The following NUP188 variants were observed in gnomAD, a reference collection of about 807,000 sequenced individuals.
NUP188 encodes the protein nucleoporin 188, also known as nucleoporin NUP188.
Under a neutral mutation model 223.0 loss-of-function variants are expected in NUP188, and 97 were observed. The ratio of observed to expected loss-of-function variants is 0.43; its 90% confidence interval spans 0.37 to 0.51. The LOEUF is 0.51. NUP188 is among the 20% of genes least tolerant of loss of function. The pLI is 0.00. For missense variants in NUP188, 1,947 were observed against 2,175.6 expected (o/e 0.89, Z 2.09); for synonymous variants, 869 against 828.0 (o/e 1.05, Z -0.85).
intron 12 of NUP188, among the ~76,000 whole-genome samples, chr9:128,977,674 C>CTAT (rs1842194907): frequency 6.6e-6 from 1 of 151,996 alleles, no homozygotes; most frequent in Non-Finnish European, 1.5e-5. Flanking sequence ...TGGTGGGCAC[C>CTAT]TATAATCCCA....
At chr9:128,996,595 G>A (rs951782232) in intron 30 of NUP188, among the ~76,000 whole-genome samples, 3 of 152,106 alleles carry the variant, frequency 2.0e-5, no homozygotes, top group Admixed American at 2.0e-4. Flanking sequence ...CAGGTTTGTG[G>A]CTACTCTTGC....
intron 41 of NUP188, 49 bp downstream of exon 41, chr9:129,005,825 T>G (rs906442023): frequency 6.5e-7 from 1 of 1,546,542 alleles, no homozygotes; most frequent in Non-Finnish European, 8.7e-7. Context: ...CTCCTCCCCC[T>G]GCCTGCCACT....
intron 12 of NUP188, among the ~76,000 whole-genome samples, chr9:128,977,287 T>A (rs1322693236): frequency 6.6e-6 from 1 of 151,728 alleles, no homozygotes; most frequent in Non-Finnish European, 1.5e-5. Context: ...ACCCAGCTAA[T>A]TTTTTTGTAT....
At chr9:128,959,162 C>CTT in intron 8 of NUP188, 28 bp downstream of exon 8, 82 of 1,232,698 alleles carry the variant, frequency 6.7e-5, no homozygotes, top group South Asian at 2.7e-4. Flanking sequence ...TCTCCTGTAA[C>CTT]TTTTTTTTTT....
At chr9:128,987,979 G>T in intron 23 of NUP188, 68 bp from the exon 24 acceptor site, 1 of 1,524,576 alleles carries the variant, frequency 6.6e-7, no homozygotes, top group South Asian at 1.2e-5. Context: ...TCTAATTCAT[G>T]AGAGCACATA....
At chr9:128,998,271 G>GT in intron 31 of NUP188, 43 bp downstream of exon 31, 2 of 1,519,316 alleles carry the variant, frequency 1.3e-6, no homozygotes, top group South Asian at 2.2e-5. Flanking sequence ...CAGGGAGGTT[G>GT]TCTTTGAAGT....
At chr9:129,004,149 C>T (rs147742460) in intron 38 of NUP188, among the ~76,000 whole-genome samples, 3 of 151,174 alleles carry the variant, frequency 2.0e-5, no homozygotes, top group African/African-American at 2.4e-5. Flanking sequence ...TGGTGGCACA[C>T]GCCTGTAGTC....
In NUP188 at chr9:129,006,068, C is replaced by G; in HGVS notation, c.4888C>G (p.Pro1630Ala). The G allele has an allele frequency of 6.2e-7, 1 of 1,614,148 alleles. No homozygotes were observed. The highest frequency in any genetic ancestry group is 8.5e-7 in the Non-Finnish European group (1 of 1,180,000). ...TCTTCAGCTGGACAAGAAAAAGGAG[C>G]CCCTCACCCAGGCAGTGGGGCTCAG... ...MLGELDKKKE[P>A]LTQAVGLSTQ... Residue 1630 changes from proline to alanine, a missense_variant, in exon 42 of 44, where the codon CCC (proline) becomes GCC (alanine). Coordinates refer to ENST00000372577, the MANE Select transcript of NUP188 (RefSeq NM_015354.3).
At chr9:128,954,116 C>T (rs1000103444) in intron 3 of NUP188, among the ~76,000 whole-genome samples, 42 of 152,108 alleles carry the variant, frequency 2.8e-4, no homozygotes, top group Non-Finnish European at 4.0e-4. Context: ...AGGCGTGAGC[C>T]GTCATACCCA....
At chr9:128,977,624 A>T (rs1842194405) in intron 12 of NUP188, among the ~76,000 whole-genome samples, 1 of 152,078 alleles carries the variant, frequency 6.6e-6, no homozygotes, top group African/African-American at 2.4e-5. Context: ...AGCCCAGCCA[A>T]CATGGTGAAA....
intron 2 of NUP188, among the ~76,000 whole-genome samples, chr9:128,951,082 C>T (rs975279253): frequency 9.2e-5 from 14 of 152,020 alleles, no homozygotes; most frequent in Non-Finnish European, 1.8e-4. Context: ...GAGGCCGAGG[C>T]GGGCGGATCA....
In NUP188 at chr9:128,986,970, C is replaced by CCTTGCTTG; in HGVS notation, c.2264+96_2264+103dup. On this transcript the variant is annotated intron_variant, in intron 22 of 43. Coordinates refer to ENST00000372577, the MANE Select transcript of NUP188 (RefSeq NM_015354.3). ...CGTCTCAGTTCTTCCAGAGAATTTA[C>CCTTGCTTG]CTTGCTTGAGCCCAGAACTCAGTAA... 3 of 1,120,750 alleles carry CCTTGCTTG rather than the reference C, an allele frequency of 2.7e-6. No homozygotes were observed. In the South Asian group the frequency reaches 4.0e-5, roughly 15 times the overall value. 69.4% of individuals were successfully genotyped at this position (1,120,750 alleles called of 1,614,324 possible).
rs557015373 is a variant in NUP188 at position 128,986,948 on chromosome 9, C to T, written c.2264+73C>T. 3.0e-6 allele frequency: 4 copies of T among 1,347,834 alleles called. No homozygotes were observed. The South Asian group carries it at 4.8e-5, about 16-fold the overall frequency. The allele number at this position is 1,347,834 out of a possible 1,614,324, so 83.5% of individuals were successfully genotyped here. On this transcript the variant is annotated intron_variant, in intron 22 of 43. Transcript: ENST00000372577. ...ACGGGCTTTTGCTGTGCAAAGCCGT[C>T]TCAGTTCTTCCAGAGAATTTACCTT...
rs550687941 is a variant in NUP188, at chr9:128,965,384, C to CT, written c.586-3119dup. On this transcript the variant is annotated intron_variant, in intron 8 of 43. Coordinates refer to ENST00000372577, the MANE Select transcript of NUP188 (RefSeq NM_015354.3). ...TATTATTTTCTTATGCTTTTACTCT[C>CT]TTTAGAGTCTAGTGCTGTGCTCTTA... is the stretch of plus-strand genomic sequence containing the variant. 7.6e-4 allele frequency among the ~76,000 whole-genome samples: 115 copies of CT among 152,206 alleles called. 3 individuals carry two copies. In the South Asian group the frequency reaches 0.01, roughly 14 times the overall value.
chr9:129,000,075 G>A (rs1457021381), intron 34 of NUP188, among the ~76,000 whole-genome samples: 1 of 152,176 alleles, frequency 6.6e-6, no homozygotes. Context: ...TTGTAGCCGC[G>A]GGCAAATGCA....
intron 38 of NUP188, chr9:129,004,673 T>A (rs999720883): frequency 6.4e-6 from 1 of 155,704 alleles, no homozygotes. Flanking sequence ...CCCGGCTAAT[T>A]TTTTGTATTT....
At position 129,002,946 on chromosome 9, in the gene NUP188, G is replaced by C. The variant is rs756946640; in HGVS notation, c.4267G>C (p.Val1423Leu). 5 of 1,614,190 alleles carry C rather than the reference G, an allele frequency of 3.1e-6. No homozygotes were observed. The South Asian group carries it at 4.4e-5, about 14-fold the overall frequency. ...YNFLPEALDF[V>L]GVHQERTLQC... ...CTTCCTGCCTGAGGCCCTGGACTTC[G>C]TGGGTGTCCACCAGGAGCGGACCTT... Residue 1423 changes from valine (V) to leucine (L), a missense_variant, in exon 37 of 44, where the codon GTG becomes CTG. Around this residue, in one of 3 missense-constraint regions of NUP188, gnomAD observed 905 missense variants for 990.6 expected, o/e 0.91. Coordinates refer to ENST00000372577, the MANE Select transcript of NUP188 (RefSeq NM_015354.3).
chr9:128,960,270 G>A (rs28581576), intron 8 of NUP188, among the ~76,000 whole-genome samples: 6,198 of 150,032 alleles, frequency 0.041, 430 homozygotes, highest in African/African-American at 0.14. Flanking sequence ...TTTTTTTTTA[G>A]TAGAGACAGG....
rs763918130 is a variant in NUP188, at chr9:128,947,742, C to A, written c.23C>A (p.Pro8Gln). MAAAAGGPCVRSSRELWT... is the reference protein window; with the variant it reads MAAAAGGQCVRSSRELWT... ...AAGATGGCGGCGGCCGCCGGCGGGC[C>A]GTGTGTGAGGTGCGGAGCGGGTCGA... The change falls in exon 1 of 44, where the codon CCG becomes CAG. Residue 8 changes from proline to glutamine, a missense_variant. Around this residue, in one of 3 missense-constraint regions of NUP188, gnomAD observed 817 missense variants for 865.8 expected, o/e 0.94. Coordinates refer to ENST00000372577, the MANE Select transcript of NUP188 (RefSeq NM_015354.3). The A allele has an allele frequency of 5.4e-6, 8 of 1,472,026 alleles. No individual in the cohort carries two copies. The highest frequency in any genetic ancestry group is 5.2e-5 in the South Asian group (4 of 76,208). 91.2% of individuals were successfully genotyped at this position (1,472,026 alleles called of 1,614,324 possible). A position where few individuals can be genotyped will look rare whatever the true frequency, so the allele number is the denominator to read the frequency against.
Sources: gnomAD v4.1 joint callset for allele counts (sites outside exome capture counted in the v4.1 genomes callset) on GRCh38, gnomAD v4.1.1 for gene constraint, gnomAD v4.1.1 regional missense constraint, MANE v1.5 for transcripts, NCBI Gene and HGNC (gene_info 2026-07-23, HGNC 2026-07-21) for gene names.